ATXN2: variants seen among roughly 807,000 people sequenced by gnomAD.
ATXN2 encodes the protein ataxin-2.
Under a neutral mutation model 138.6 loss-of-function variants are expected in ATXN2, and 37 were observed. The observed-to-expected ratio is 0.27, with a 90% CI of 0.21 to 0.35. The LOEUF is 0.35. Among genes scored for constraint, ATXN2 ranks in the 10% least tolerant of loss-of-function variants. ATXN2 has a pLI of 1.00. For missense variants in ATXN2, 1,216 were observed against 1,480.3 expected (o/e 0.82, Z 2.93); for synonymous variants, 549 against 543.7 (o/e 1.01, Z -0.13).
At chr12:111,576,929 G>A (rs1436815209) in intron 1 of ATXN2, among the ~76,000 whole-genome samples, 1 of 151,952 alleles carries the variant, frequency 6.6e-6, no homozygotes. Flanking sequence ...CTGCACTCCA[G>A]CCTGGGCGAC....
chr12:111,538,446 G>A (rs1312100145), intron 5 of ATXN2, among the ~76,000 whole-genome samples: 1 of 151,506 alleles, frequency 6.6e-6, no homozygotes, highest in Non-Finnish European at 1.5e-5. Flanking sequence ...ATCTCCCTGC[G>A]CTCAGATGAT....
chr12:111,464,730 TAGAA>T lies in ATXN2; in HGVS notation c.2843-19_2843-16del, dbSNP rs1269362436. On this transcript the variant is annotated splice_polypyrimidine_tract_variant and intron_variant, in intron 20 of 24. Transcript: ENST00000673436. Reference sequence around the variant, plus strand: ...TTTGGGACATGCTGAATTTGGGAAATAGAAAGGTAAATTAGCCTTTTGAGGTGTG... The same window carrying T: ...TTTGGGACATGCTGAATTTGGGAAATAGGTAAATTAGCCTTTTGAGGTGTG... 5.6e-6 allele frequency: 9 copies of T among 1,605,856 alleles called. No homozygotes were observed. Among genetic ancestry groups the T allele is most frequent in the Non-Finnish European group, 6.8e-6 (8 of 1,173,298 alleles).
At chr12:111,591,429 G>C (rs1345068874) in intron 1 of ATXN2, among the ~76,000 whole-genome samples, 1 of 152,056 alleles carries the variant, frequency 6.6e-6, no homozygotes, top group African/African-American at 2.4e-5. Flanking sequence ...CAGCACTTTG[G>C]GAAGCTGAGG....
chr12:111,581,825 T>C, intron 1 of ATXN2: 1 of 401,806 alleles, frequency 2.5e-6, no homozygotes, highest in Non-Finnish European at 4.7e-6. Context: ...GTGATCTGAT[T>C]CCCATGTACT....
intron 20 of ATXN2, chr12:111,468,300 G>A (rs942119071): frequency 2.0e-5 from 3 of 152,198 alleles, no homozygotes; most frequent in Non-Finnish European, 4.4e-5. Flanking sequence ...TAGTTTGTCA[G>A]TATCTTTTAC....
intron 2 of ATXN2, 67 bp downstream of exon 2, chr12:111,555,816 G>T: frequency 7.6e-7 from 1 of 1,323,032 alleles, no homozygotes; most frequent in African/African-American, 1.5e-5. Flanking sequence ...CTTGGCATTT[G>T]GTCTGTGGTT....
intron 18 of ATXN2, among the ~76,000 whole-genome samples, chr12:111,484,064 G>A (rs1424920674): frequency 1.3e-5 from 2 of 151,912 alleles, no homozygotes; most frequent in South Asian, 2.1e-4. Flanking sequence ...GGAATTACAC[G>A]TGAGCCACCA....
At chr12:111,468,693 A>ATTTTTT (rs1195990934) in intron 20 of ATXN2, 1 of 115,968 alleles carries the variant, frequency 8.6e-6, no homozygotes, top group Admixed American at 8.1e-5. Context: ...AAATCTGTAA[A>ATTTTTT]TTCTTTTTTT....
chr12:111,494,881 G>A (rs1427746873), intron 14 of ATXN2, among the ~76,000 whole-genome samples: 1 of 152,168 alleles, frequency 6.6e-6, no homozygotes, highest in Non-Finnish European at 1.5e-5. Context: ...GGGGAAGGGA[G>A]GGAGTAGGAC....
At chr12:111,542,031 G>A (rs1450805702) in intron 5 of ATXN2, among the ~76,000 whole-genome samples, 1 of 149,144 alleles carries the variant, frequency 6.7e-6, no homozygotes, top group Non-Finnish European at 1.5e-5. Flanking sequence ...GCCTTCCAAA[G>A]TGCTGGGATT....
At chr12:111,568,991 TTTTTG>T (rs138147841) in intron 1 of ATXN2, among the ~76,000 whole-genome samples, 73,158 of 151,060 alleles carry the variant, frequency 0.48, 22,441 homozygotes, top group East Asian at 0.92. Context: ...GCTAGAGTTT[TTTTTG>T]TTTTGTTTTG....
chr12:111,534,670 C>G (rs1881044863), intron 5 of ATXN2, among the ~76,000 whole-genome samples: 1 of 151,864 alleles, frequency 6.6e-6, no homozygotes, highest in Non-Finnish European at 1.5e-5. Context: ...TCCAACTGTA[C>G]TTCATGACAC....
chr12:111,525,457 C>T, intron 5 of ATXN2, 141 bp from the exon 6 acceptor site: 1 of 1,024,042 alleles, frequency 9.8e-7, no homozygotes, highest in Non-Finnish European at 1.3e-6. Flanking sequence ...TAAAATCTAA[C>T]AGAAACATTT....
At chr12:111,564,080 A>G (rs1566066694) in intron 1 of ATXN2, among the ~76,000 whole-genome samples, 1 of 152,210 alleles carries the variant, frequency 6.6e-6, no homozygotes, top group Admixed American at 6.5e-5. Context: ...GAAAATTAAA[A>G]GAAGGTACCA....
At chr12:111,503,757 T>C (rs1277446335) in intron 14 of ATXN2, among the ~76,000 whole-genome samples, 1 of 151,910 alleles carries the variant, frequency 6.6e-6, no homozygotes, top group Non-Finnish European at 1.5e-5. Context: ...GCCCGGCTAA[T>C]TTATATATTT....
chr12:111,592,965 G>A (rs1884753596), intron 1 of ATXN2, among the ~76,000 whole-genome samples: 1 of 151,496 alleles, frequency 6.6e-6, no homozygotes. Context: ...TAATTCTAGA[G>A]AACAATCTTC....
chr12:111,543,905 G>A (rs1320951300), intron 5 of ATXN2, among the ~76,000 whole-genome samples: 4 of 152,002 alleles, frequency 2.6e-5, no homozygotes, highest in African/African-American at 9.7e-5. Context: ...GTGAGAACCA[G>A]TGTCTATAAA....
intron 18 of ATXN2, among the ~76,000 whole-genome samples, chr12:111,478,344 T>C (rs981176361): frequency 6.6e-6 from 1 of 152,060 alleles, no homozygotes; most frequent in African/African-American, 2.4e-5. Flanking sequence ...AGGCGGAGGT[T>C]GCAGTGAGCC....
intron 1 of ATXN2, among the ~76,000 whole-genome samples, chr12:111,576,330 G>C (rs1883645548): frequency 6.6e-6 from 1 of 151,958 alleles, no homozygotes; most frequent in African/African-American, 2.4e-5. Context: ...TGTAGTCTCA[G>C]GTACTTGGGA....
Sources: gnomAD v4.1 joint callset for allele counts (sites outside exome capture counted in the v4.1 genomes callset) on GRCh38, gnomAD v4.1.1 for gene constraint, MANE v1.5 for transcripts, NCBI Gene and HGNC (gene_info 2026-07-23, HGNC 2026-07-21) for gene names.